Variants in CHCHD3 observed in about 807,000 individuals in gnomAD.
CHCHD3 encodes the protein MICOS complex subunit MIC19.
Under a neutral mutation model 38.2 loss-of-function variants are expected in CHCHD3, and 20 were observed. The observed-to-expected ratio is 0.52, with a 90% CI of 0.37 to 0.76. CHCHD3 has a LOEUF of 0.76. Among genes scored for constraint, CHCHD3 ranks in the 30% least tolerant of loss-of-function variants. CHCHD3 has a pLI of 0.00. For synonymous variants in CHCHD3, 82 were observed against 100.0 expected (o/e 0.82, Z 1.07); for missense variants, 245 against 279.2 (o/e 0.88, Z 0.87).
At position 133,035,238 on chromosome 7, in the gene CHCHD3, T is replaced by A. The variant is rs1243349184; in HGVS notation, c.170-10611A>T. ...ACCCTTCTCTTTCCGTGGTGTGTCC[T>A]TTTTAGGCTGGGTCTCTGCAAACTT... is the stretch of plus-strand genomic sequence containing the variant. On this transcript the variant is annotated intron_variant, in intron 2 of 7. Transcript: ENST00000262570. The surrounding 1 kb of genome is among the most constrained non-coding windows in gnomAD (Gnocchi z 4.7). The A allele has an allele frequency of 9.0e-5, 146 of 1,613,508 alleles. No individual in the cohort carries two copies. The highest frequency in any genetic ancestry group is 1.2e-4 in the Non-Finnish European group (141 of 1,179,638).
chr7:132,893,921 C>T (rs1585612059), intron 4 of CHCHD3, among the ~76,000 whole-genome samples: 1 of 152,256 alleles, frequency 6.6e-6, no homozygotes, highest in East Asian at 1.9e-4. Flanking sequence ...TACCCAGTCT[C>T]GGGTATTTCT....
intron 4 of CHCHD3, among the ~76,000 whole-genome samples, chr7:132,888,393 T>G (rs528960403): frequency 1.3e-5 from 2 of 151,854 alleles, no homozygotes; most frequent in Non-Finnish European, 3.0e-5. Context: ...TTACATGCAC[T>G]TGTCAAAACT....
intron 4 of CHCHD3, among the ~76,000 whole-genome samples, chr7:132,929,923 G>A (rs1465619120): frequency 6.6e-6 from 1 of 152,134 alleles, no homozygotes; most frequent in Non-Finnish European, 1.5e-5. Context: ...CTGCATGATG[G>A]CTGTAATGAC....
intron 5 of CHCHD3, among the ~76,000 whole-genome samples, chr7:132,851,796 C>T (rs976773131): frequency 6.6e-5 from 10 of 152,204 alleles, no homozygotes; most frequent in Non-Finnish European, 1.2e-4. Flanking sequence ...TGAGGTGATG[C>T]CACGTGCACA....
rs112148780 is a variant in CHCHD3 at position 132,916,878 on chromosome 7, G to A, written c.370-31133C>T. Among the ~76,000 whole-genome samples, 703 of 152,226 alleles carry A rather than the reference G, an allele frequency of 4.6e-3. 5 individuals are homozygous for A. The highest frequency in any genetic ancestry group is 0.016 in the African/African-American group (676 of 41,534). ...TTATAGGTGTGAACCACCATGCCTG[G>A]CTACTATCCCTAATTTATAAATTAA... On this transcript the variant is annotated intron_variant, in intron 4 of 7. Coordinates refer to ENST00000262570, the MANE Select transcript of CHCHD3 (RefSeq NM_017812.4).
intron 2 of CHCHD3, 23 bp downstream of exon 2, chr7:133,070,119 C>T (rs1328366084): frequency 6.3e-7 from 1 of 1,583,866 alleles, no homozygotes; most frequent in Non-Finnish European, 8.6e-7. Context: ...CCTAAAAACC[C>T]TAAAATTAAA....
At chr7:133,003,020 T>C (rs1812611271) in intron 3 of CHCHD3, among the ~76,000 whole-genome samples, 1 of 152,194 alleles carries the variant, frequency 6.6e-6, no homozygotes, top group South Asian at 2.1e-4. Context: ...TATGTATACA[T>C]GCCTATGAGG....
At chr7:132,987,888 A>C (rs1384421606) in intron 3 of CHCHD3, among the ~76,000 whole-genome samples, 1 of 152,196 alleles carries the variant, frequency 6.6e-6, no homozygotes, top group African/African-American at 2.4e-5. Flanking sequence ...GAAGACAAGG[A>C]GGATGAAGAC....
At chr7:132,799,177 C>T (rs6947991) in intron 6 of CHCHD3, among the ~76,000 whole-genome samples, 56,709 of 151,780 alleles carry the variant, frequency 0.37, 11,139 homozygotes, top group East Asian at 0.72. Context: ...GACTCTGGGA[C>T]ATTTTCTTGG....
chr7:133,014,710 G>A (rs754175453), intron 3 of CHCHD3, among the ~76,000 whole-genome samples: 3 of 150,658 alleles, frequency 2.0e-5, no homozygotes, highest in South Asian at 2.1e-4. Flanking sequence ...AGAGAGAAAC[G>A]TAAATATTTT....
At chr7:132,982,494 A>G (rs143180668) in intron 3 of CHCHD3, among the ~76,000 whole-genome samples, 2,296 of 152,310 alleles carry the variant, frequency 0.015, 57 homozygotes, top group African/African-American at 0.052. Flanking sequence ...CATGTTGGCC[A>G]GGCTGGTCTT....
At chr7:132,982,277 A>G (rs965206344) in intron 3 of CHCHD3, among the ~76,000 whole-genome samples, 2 of 152,140 alleles carry the variant, frequency 1.3e-5, no homozygotes, top group Non-Finnish European at 2.9e-5. Flanking sequence ...AAACATGAAT[A>G]TGGCATCTTA....
chr7:132,974,535 C>T (rs995208777), intron 4 of CHCHD3, among the ~76,000 whole-genome samples: 2 of 151,988 alleles, frequency 1.3e-5, no homozygotes, highest in African/African-American at 4.8e-5. Flanking sequence ...GCCTACATTG[C>T]TGACCCCTGA....
At chr7:132,973,773 G>C in intron 4 of CHCHD3, 9 of 1,080,956 alleles carry the variant, frequency 8.3e-6, no homozygotes, top group Non-Finnish European at 1.0e-5. Flanking sequence ...GAATGGGAGA[G>C]ACTAGAAATG....
At position 132,912,302 on chromosome 7, in the gene CHCHD3, T is replaced by C. The variant is rs73724119; in HGVS notation, c.370-26557A>G. Among the ~76,000 whole-genome samples the C allele has an allele frequency of 8.6e-3, 1,314 of 152,348 alleles. 23 individuals are homozygous for C. The highest frequency in any genetic ancestry group is 0.03 in the African/African-American group (1,256 of 41,570). Reference sequence around the variant, plus strand: ...GGGAAAATATAATGGAAACAATTTCTGGTTAGTAACTGTTGCCTGGCCCAA... The same window carrying C: ...GGGAAAATATAATGGAAACAATTTCCGGTTAGTAACTGTTGCCTGGCCCAA... On this transcript the variant is annotated intron_variant, in intron 4 of 7. Coordinates refer to ENST00000262570, the MANE Select transcript of CHCHD3 (RefSeq NM_017812.4).
At chr7:133,007,872 A>C (rs2117404180) in intron 3 of CHCHD3, among the ~76,000 whole-genome samples, 1 of 152,352 alleles carries the variant, frequency 6.6e-6, no homozygotes, top group Middle Eastern at 3.4e-3. Flanking sequence ...ACCATGAATT[A>C]GATCCGAGCA....
chr7:132,951,591 T>C (rs1251858302), intron 4 of CHCHD3, among the ~76,000 whole-genome samples: 1 of 152,200 alleles, frequency 6.6e-6, no homozygotes, highest in African/African-American at 2.4e-5. Flanking sequence ...GGATATACCA[T>C]CTAGGTTTGT....
At chr7:133,056,262 G>A (rs2117510730) in intron 2 of CHCHD3, among the ~76,000 whole-genome samples, 1 of 152,080 alleles carries the variant, frequency 6.6e-6, no homozygotes, top group South Asian at 2.1e-4. Context: ...CCAAGTACGT[G>A]CATTTCAAAT....
At chr7:133,009,381 A>G (rs1390948740) in intron 3 of CHCHD3, among the ~76,000 whole-genome samples, 1 of 151,098 alleles carries the variant, frequency 6.6e-6, no homozygotes, top group African/African-American at 2.4e-5. Context: ...AAAAAAAAAA[A>G]AAAGTACAGG....
Sources: gnomAD v4.1 joint callset for allele counts (sites outside exome capture counted in the v4.1 genomes callset) on GRCh38, gnomAD v4.1.1 for gene constraint, Gnocchi (gnomAD v3.1) non-coding constraint, MANE v1.5 for transcripts, NCBI Gene and HGNC (gene_info 2026-07-23, HGNC 2026-07-21) for gene names.